The following CA10 variants were observed in gnomAD, a reference collection of about 807,000 sequenced individuals.
CA10 encodes the protein carbonic anhydrase-related protein 10.
CA10 carries 14 observed loss-of-function variants against 44.2 expected under a neutral mutation model. The observed-to-expected ratio is 0.32, with a 90% CI of 0.21 to 0.50. CA10 has a LOEUF of 0.50. Among genes scored for constraint, CA10 ranks in the 20% least tolerant of loss-of-function variants. The pLI is 0.99. For synonymous variants in CA10, 159 were observed against 141.6 expected (o/e 1.12, Z -0.87); for missense variants, 350 against 409.7 (o/e 0.85, Z 1.26).
intron 2 of CA10, among the ~76,000 whole-genome samples, chr17:51,977,071 C>A (rs1211298850): frequency 6.6e-6 from 1 of 151,938 alleles, no homozygotes; most frequent in Non-Finnish European, 1.5e-5. Context: ...TTAAATAATT[C>A]TTAGGCACAA....
At chr17:51,919,921 G>GGA (rs1282383132) in intron 3 of CA10, among the ~76,000 whole-genome samples, 9 of 152,122 alleles carry the variant, frequency 5.9e-5, no homozygotes, top group African/African-American at 1.9e-4. Context: ...TAAAGTGCTG[G>GGA]GATTACAGGC....
At position 51,747,697 on chromosome 17, in the gene CA10, T is replaced by C; in HGVS notation, c.401A>G (p.His134Arg). Residue 134 changes from histidine to arginine, a missense_variant, in exon 4 of 9, where the codon CAC becomes CGC. Coordinates refer to ENST00000451037, the MANE Select transcript of CA10 (RefSeq NM_020178.5). ...CCCTTGGCTGTCCTCACTCCCAAAGTGTAGTCGGATCTCCTCCAGCCGGTG... is the reference window on the plus strand; with the variant it reads ...CCCTTGGCTGTCCTCACTCCCAAAGCGTAGTCGGATCTCCTCCAGCCGGTG... ...YSHRLEEIRL[H>R]FGSEDSQGSE... 1.2e-6 allele frequency: 2 copies of C among 1,614,128 alleles called. No homozygotes were observed. The highest frequency in any genetic ancestry group is 1.7e-6 in the Non-Finnish European group (2 of 1,179,982).
intron 3 of CA10, among the ~76,000 whole-genome samples, chr17:51,919,490 GT>G (rs1437163619): frequency 6.6e-6 from 1 of 152,116 alleles, no homozygotes; most frequent in Non-Finnish European, 1.5e-5. Context: ...GGTGGAGCTA[GT>G]CTGTAAAACT....
At chr17:52,049,960 C>T (rs1266224823) in intron 2 of CA10, among the ~76,000 whole-genome samples, 1 of 152,090 alleles carries the variant, frequency 6.6e-6, no homozygotes, top group Non-Finnish European at 1.5e-5. Context: ...TTCAGGACAG[C>T]GATATATTGT....
In CA10 at chr17:52,132,874, G is replaced by A. The variant is rs530207048; in HGVS notation, c.61+24852C>T. Among the ~76,000 whole-genome samples the A allele has an allele frequency of 6.8e-4, 104 of 152,284 alleles. No individual in the cohort carries two copies. The South Asian group carries it at 0.021, about 30-fold the overall frequency. On this transcript the variant is annotated intron_variant, in intron 1 of 8. Coordinates refer to ENST00000451037, the MANE Select transcript of CA10 (RefSeq NM_020178.5). The stretch of plus-strand genomic sequence containing the variant: ...ACAGGTGACATCTCGTGGCTCAACC[G>A]AGGCACAGGACCACAGTGAGACAAC...
intron 3 of CA10, among the ~76,000 whole-genome samples, chr17:51,865,220 C>G (rs1044760886): frequency 1.3e-5 from 2 of 152,190 alleles, no homozygotes; most frequent in African/African-American, 4.8e-5. Flanking sequence ...ACTCACCAAC[C>G]TCTGACACAC....
intron 6 of CA10, among the ~76,000 whole-genome samples, chr17:51,648,618 C>T (rs1269009390): frequency 1.3e-5 from 2 of 152,192 alleles, no homozygotes; most frequent in African/African-American, 4.8e-5. Context: ...CAACTTTGCA[C>T]TGTTCTCTCT....
chr17:51,677,269 A>G (rs1008994994), intron 4 of CA10, among the ~76,000 whole-genome samples: 2 of 152,176 alleles, frequency 1.3e-5, no homozygotes, highest in East Asian at 1.9e-4. Flanking sequence ...TTACTGGATC[A>G]TGTGGGCGGA....
chr17:52,015,278 C>G (rs1985931930), intron 2 of CA10, among the ~76,000 whole-genome samples: 1 of 152,104 alleles, frequency 6.6e-6, no homozygotes, highest in Admixed American at 6.6e-5. Flanking sequence ...GAACTGACAT[C>G]ATGCCGGGGT....
chr17:52,097,217 A>ACAC lies in CA10; in HGVS notation c.62-24827_62-24825dup, dbSNP rs112800113. On this transcript the variant is annotated intron_variant, in intron 1 of 8. Coordinates refer to ENST00000451037, the MANE Select transcript of CA10 (RefSeq NM_020178.5). ...TCTAAAGTGGTTATAACAATTTAAA[A>ACAC]CACATCTTTTGGCCACAGTTGGTAT... Among the ~76,000 whole-genome samples, 1,426 of 152,246 alleles carry ACAC rather than the reference A, an allele frequency of 9.4e-3. 24 individuals are homozygous for ACAC. Among genetic ancestry groups the ACAC allele is most frequent in the African/African-American group, 0.032 (1,336 of 41,538 alleles).
chr17:51,750,211 C>A (rs1598026062), intron 3 of CA10, among the ~76,000 whole-genome samples: 1 of 152,216 alleles, frequency 6.6e-6, no homozygotes, highest in Middle Eastern at 3.4e-3. Context: ...AAATCGACCA[C>A]AATTTCACAA....
chr17:52,115,267 G>C (rs1226646309), intron 1 of CA10, among the ~76,000 whole-genome samples: 1 of 152,174 alleles, frequency 6.6e-6, no homozygotes, highest in Non-Finnish European at 1.5e-5. Flanking sequence ...ACCCTTCAAT[G>C]TGTCTGTGTG....
At position 52,013,791 on chromosome 17, in the gene CA10, ACT is replaced by A. The variant is rs1322151298; in HGVS notation, c.136+58526_136+58527del. 3.9e-5 allele frequency among the ~76,000 whole-genome samples: 6 copies of A among 152,044 alleles called. No homozygotes were observed. The East Asian group carries it at 1.2e-3, about 30-fold the overall frequency. On this transcript the variant is annotated intron_variant, in intron 2 of 8. Transcript: ENST00000451037. ...CACAGGGGACTGGTTTCAGAACCCC[ACT>A]CTGATACCAAAATCTGTAGTTGCTC... is the stretch of plus-strand genomic sequence containing the variant.
chr17:51,979,178 C>T (rs1283264320), intron 2 of CA10, among the ~76,000 whole-genome samples: 2 of 151,938 alleles, frequency 1.3e-5, no homozygotes, highest in South Asian at 2.1e-4. Context: ...CCTTAAAGAC[C>T]CCACAAGGGG....
intron 2 of CA10, among the ~76,000 whole-genome samples, chr17:52,063,666 C>G (rs370248983): frequency 6.6e-6 from 1 of 152,176 alleles, no homozygotes; most frequent in East Asian, 1.9e-4. Context: ...TGCTGCCTCC[C>G]CTTCCACTTG....
At chr17:52,068,180 A>T (rs1358208935) in intron 2 of CA10, among the ~76,000 whole-genome samples, 1 of 152,178 alleles carries the variant, frequency 6.6e-6, no homozygotes, top group Non-Finnish European at 1.5e-5. Flanking sequence ...AGGTGAAGTA[A>T]TTGGATCTTG....
chr17:51,860,995 C>T (rs1042522078), intron 3 of CA10, among the ~76,000 whole-genome samples: 1 of 152,198 alleles, frequency 6.6e-6, no homozygotes, highest in African/African-American at 2.4e-5. Context: ...GAAATCTTAA[C>T]ATAAAATACC....
chr17:51,831,919 T>C (rs1049134231), intron 3 of CA10, among the ~76,000 whole-genome samples: 1 of 152,154 alleles, frequency 6.6e-6, no homozygotes, highest in Non-Finnish European at 1.5e-5. Flanking sequence ...AAGGGGTTGC[T>C]AGATAGGCAA....
rs187852931 is a variant in CA10 at position 51,703,181 on chromosome 17, A to G, written c.465+44452T>C. ...CTCGGAGGGCAAAGAGGAATGTCCA[A>G]TTGGCCTGAGATAAGCCTCTGGTAA... On this transcript the variant is annotated intron_variant, in intron 4 of 8. Transcript: ENST00000451037. Among the ~76,000 whole-genome samples the G allele has an allele frequency of 2.6e-3, 398 of 152,238 alleles. 4 individuals are homozygous for G. The highest frequency in any genetic ancestry group is 0.01 in the Middle Eastern group (3 of 294).
Sources: gnomAD v4.1 joint callset for allele counts (sites outside exome capture counted in the v4.1 genomes callset) on GRCh38, gnomAD v4.1.1 for gene constraint, MANE v1.5 for transcripts, NCBI Gene and HGNC (gene_info 2026-07-23, HGNC 2026-07-21) for gene names.